B3GAT1: variants seen among roughly 807,000 people sequenced by gnomAD.
B3GAT1 encodes galactosylgalactosylxylosylprotein 3-beta-glucuronosyltransferase 1.
In B3GAT1, 11 loss-of-function variants were observed where a neutral mutation model predicts 28.4. The observed-to-expected ratio is 0.39, with a 90% CI of 0.24 to 0.64. The LOEUF is 0.64. B3GAT1 is among the 30% of genes least tolerant of loss of function. The pLI is 0.50. For synonymous variants in B3GAT1, 255 were observed against 223.1 expected (o/e 1.14, Z -1.27); for missense variants, 375 against 491.0 (o/e 0.76, Z 2.23).
intron 1 of B3GAT1, among the ~76,000 whole-genome samples, chr11:134,398,234 T>A (rs546644108): frequency 6.6e-6 from 1 of 152,324 alleles, no homozygotes; most frequent in Non-Finnish European, 1.5e-5. Flanking sequence ...CACAGGCACG[T>A]GTCTGCACGC....
intron 1 of B3GAT1, among the ~76,000 whole-genome samples, chr11:134,401,891 C>G (rs986225237): frequency 6.9e-6 from 1 of 145,142 alleles, no homozygotes; most frequent in Non-Finnish European, 1.5e-5. Context: ...CTCCCCAGCA[C>G]GAGGCGGTGC....
intron 1 of B3GAT1, chr11:134,392,054 CA>C (rs1273836102): frequency 6.6e-6 from 1 of 152,312 alleles, no homozygotes; most frequent in African/African-American, 2.4e-5. Context: ...CTGGAAGTTT[CA>C]ACGATCCTGC....
intron 1 of B3GAT1, among the ~76,000 whole-genome samples, chr11:134,401,155 A>G (rs1944606636): frequency 6.6e-6 from 1 of 152,256 alleles, no homozygotes; most frequent in Non-Finnish European, 1.5e-5. Flanking sequence ...AATGTAGATG[A>G]GTTCAGCCAC....
intron 1 of B3GAT1, among the ~76,000 whole-genome samples, chr11:134,394,526 T>G (rs1372481585): frequency 6.6e-6 from 1 of 152,040 alleles, no homozygotes; most frequent in Non-Finnish European, 1.5e-5. Flanking sequence ...CCCCCTGACC[T>G]TTCATCCCCT....
chr11:134,397,706 G>A (rs143876310), intron 1 of B3GAT1, among the ~76,000 whole-genome samples: 271 of 152,346 alleles, frequency 1.8e-3, no homozygotes, highest in African/African-American at 5.5e-3. Flanking sequence ...ATGCCCAAGC[G>A]CAAACCAGGC....
At position 134,384,199 on chromosome 11, in the gene B3GAT1, G is replaced by A. The variant is rs368383710; in HGVS notation, c.113-11C>T. ...GGTCACTGCCCTCATCTGCGGAGTCGGGAGACCGGCGATGTGGGAGGAGAG... is the reference window on the plus strand; with the variant it reads ...GGTCACTGCCCTCATCTGCGGAGTCAGGAGACCGGCGATGTGGGAGGAGAG... On this transcript the variant is annotated splice_polypyrimidine_tract_variant and intron_variant, in intron 2 of 5. Coordinates refer to ENST00000312527, the MANE Select transcript of B3GAT1 (RefSeq NM_054025.3). The A allele has an allele frequency of 2.0e-6, 3 of 1,525,646 alleles. No homozygotes were observed. Among genetic ancestry groups the A allele is most frequent in the African/African-American group, 1.4e-5 (1 of 73,486 alleles). The allele number at this position is 1,525,646 out of a possible 1,614,324, so 94.5% of individuals were successfully genotyped here. A position where few individuals can be genotyped will look rare whatever the true frequency, so the allele number is the denominator to read the frequency against.
chr11:134,397,425 G>A lies in B3GAT1; in HGVS notation c.-281-9485C>T, dbSNP rs541403006. 2.0e-5 allele frequency among the ~76,000 whole-genome samples: 3 copies of A among 151,084 alleles called. 1 individual carries two copies. The highest frequency in any genetic ancestry group is 6.8e-3 in the Middle Eastern group (2 of 292). ...CCTGTTCCCTGGCCATCTCTGCCCCGCCAGCTTCCGTCCCTGAAATTCCAA... is the reference window on the plus strand; with the variant it reads ...CCTGTTCCCTGGCCATCTCTGCCCCACCAGCTTCCGTCCCTGAAATTCCAA... On this transcript the variant is annotated intron_variant, in intron 1 of 5. Coordinates refer to ENST00000312527, the MANE Select transcript of B3GAT1 (RefSeq NM_054025.3).
chr11:134,381,781 G>T, intron 5 of B3GAT1, 143 bp downstream of exon 5: 1 of 656,222 alleles, frequency 1.5e-6, no homozygotes, highest in Non-Finnish European at 2.7e-6. Flanking sequence ...GAAGGGGACT[G>T]TGGTGACGAC....
At chr11:134,380,870 C>T (rs1464586835) in intron 5 of B3GAT1, 123 bp from the exon 6 acceptor site, 4 of 152,452 alleles carry the variant, frequency 2.6e-5, no homozygotes, top group African/African-American at 9.7e-5. Context: ...GGGGGCCTTT[C>T]TGAGGGGCAG....
Position 134,411,296 on chromosome 11 carries a change from C to A in B3GAT1, c.-282+511G>T, listed in dbSNP as rs1944848233. Among the ~76,000 whole-genome samples, 1 of 152,172 alleles carries A rather than the reference C, an allele frequency of 6.6e-6. No individual in the cohort carries two copies. The highest frequency in any genetic ancestry group is 6.5e-5 in the Admixed American group (1 of 15,286). ...CACCGAAGGTCCCAAGGGCCCTTTG[C>A]CACCCTTGCTACCCCTGGGTCCCTC... On this transcript the variant is annotated intron_variant, in intron 1 of 5. Coordinates refer to ENST00000312527, the MANE Select transcript of B3GAT1 (RefSeq NM_054025.3). This position sits in a 1 kb window ranked among gnomAD's most constrained non-coding sequence, Gnocchi z 6.0.
At chr11:134,389,425 T>G (rs1944363070) in intron 1 of B3GAT1, 1 of 152,182 alleles carries the variant, frequency 6.6e-6, no homozygotes, top group African/African-American at 2.4e-5. Context: ...GGGGCCCAAG[T>G]GAGGAGAATG....
chr11:134,394,465 C>G (rs1375815532), intron 1 of B3GAT1, among the ~76,000 whole-genome samples: 3 of 152,242 alleles, frequency 2.0e-5, no homozygotes, highest in Admixed American at 1.3e-4. Context: ...AGACCCTCCC[C>G]TGGCCCACCC....
chr11:134,399,648 C>T (rs1489096767), intron 1 of B3GAT1, among the ~76,000 whole-genome samples: 1 of 152,166 alleles, frequency 6.6e-6, no homozygotes, highest in Non-Finnish European at 1.5e-5. Flanking sequence ...GAATCCTGGA[C>T]CCTGGAAGCT....
chr11:134,394,085 TG>T (rs1246574723), intron 1 of B3GAT1, among the ~76,000 whole-genome samples: 2 of 152,104 alleles, frequency 1.3e-5, no homozygotes, highest in African/African-American at 4.8e-5. Context: ...ACAGCCCTGC[TG>T]GGGGGCAGGA....
In B3GAT1 at chr11:134,393,416, G is replaced by A. The variant is rs1266713514; in HGVS notation, c.-281-5476C>T. On this transcript the variant is annotated intron_variant, in intron 1 of 5. Coordinates refer to ENST00000312527, the MANE Select transcript of B3GAT1 (RefSeq NM_054025.3). This position sits in a 1 kb window ranked among gnomAD's most constrained non-coding sequence, Gnocchi z 4.0. ...GGGGTCAGGGAGGTCTGTGCTGACCGTCTGACATCAGCCACATCGCAGCAT... is the reference window on the plus strand; with the variant it reads ...GGGGTCAGGGAGGTCTGTGCTGACCATCTGACATCAGCCACATCGCAGCAT... Among the ~76,000 whole-genome samples, 3 of 152,194 alleles carry A rather than the reference G, an allele frequency of 2.0e-5. No individual in the cohort carries two copies. Among genetic ancestry groups the A allele is most frequent in the Non-Finnish European group, 4.4e-5 (3 of 68,036 alleles).
At chr11:134,384,228 C>G in intron 2 of B3GAT1, 40 bp from the exon 3 acceptor site, 1 of 1,510,618 alleles carries the variant, frequency 6.6e-7, no homozygotes, top group Middle Eastern at 2.4e-4. Flanking sequence ...AGGAGAGCGC[C>G]GGCTACGGCC....
chr11:134,408,051 T>C (rs558783386), intron 1 of B3GAT1, among the ~76,000 whole-genome samples: 4 of 152,358 alleles, frequency 2.6e-5, no homozygotes, highest in Non-Finnish European at 5.9e-5. Flanking sequence ...AGTATTATTT[T>C]GTGTTTGGCA....
chr11:134,411,670 G>GCACACACACACACA lies in B3GAT1; in HGVS notation c.-282+123_-282+136dup, dbSNP rs149891710. On this transcript the variant is annotated intron_variant, in intron 1 of 5. Coordinates refer to ENST00000312527, the MANE Select transcript of B3GAT1 (RefSeq NM_054025.3). This position sits in a 1 kb window ranked among gnomAD's most constrained non-coding sequence, Gnocchi z 6.0. The stretch of plus-strand genomic sequence containing the variant: ...TCCAGCTGCCCCCAGCGCGCGCAGC[G>GCACACACACACACA]CACACACACACACACACACACACAC... The GCACACACACACACA allele has an allele frequency of 2.1e-5, 3 of 144,640 alleles. No individual in the cohort carries two copies. Among genetic ancestry groups the GCACACACACACACA allele is most frequent in the African/African-American group, 7.6e-5 (3 of 39,582 alleles). The allele number at this position is 144,640 out of a possible 1,614,324, so 9.0% of individuals were successfully genotyped here. A position where few individuals can be genotyped will look rare whatever the true frequency, so the allele number is the denominator to read the frequency against.
intron 3 of B3GAT1, among the ~76,000 whole-genome samples, chr11:134,383,381 C>T (rs1174708735): frequency 6.6e-6 from 1 of 152,170 alleles, no homozygotes; most frequent in African/African-American, 2.4e-5. Flanking sequence ...ACTGTTCCAC[C>T]TAAGAGGTTT....
Sources: gnomAD v4.1 joint callset for allele counts (sites outside exome capture counted in the v4.1 genomes callset) on GRCh38, gnomAD v4.1.1 for gene constraint, Gnocchi (gnomAD v3.1) non-coding constraint, MANE v1.5 for transcripts, NCBI Gene and HGNC (gene_info 2026-07-23, HGNC 2026-07-21) for gene names.